CCSER1: variants seen among roughly 807,000 people sequenced by gnomAD.
The protein encoded by CCSER1 is coiled-coil serine rich protein 1.
In CCSER1, 41 loss-of-function variants were observed where a neutral mutation model predicts 82.0. That is an observed-to-expected ratio of 0.50 (90% CI 0.39 to 0.65). The LOEUF (loss-of-function observed/expected upper bound fraction) is 0.65. Among genes scored for constraint, CCSER1 ranks in the 30% least tolerant of loss-of-function variants. CCSER1 has a pLI of 0.00. For synonymous variants in CCSER1, 414 were observed against 383.9 expected (o/e 1.08, Z -0.92); for missense variants, 1,119 against 1,064.2 (o/e 1.05, Z -0.72).
chr4:90,581,916 C>T (rs556441702), intron 5 of CCSER1, among the ~76,000 whole-genome samples: 3 of 151,404 alleles, frequency 2.0e-5, no homozygotes, highest in South Asian at 2.1e-4. Flanking sequence ...GTGGTAGCAA[C>T]GTACCATGTG....
chr4:90,983,415 T>G (rs943047079), intron 9 of CCSER1, among the ~76,000 whole-genome samples: 1 of 151,706 alleles, frequency 6.6e-6, no homozygotes, highest in African/African-American at 2.4e-5. Flanking sequence ...GTAAATAATT[T>G]GGGTAGAGAA....
intron 5 of CCSER1, among the ~76,000 whole-genome samples, chr4:90,578,006 T>G (rs1331407427): frequency 1.3e-5 from 2 of 152,128 alleles, no homozygotes; most frequent in Non-Finnish European, 2.9e-5. Flanking sequence ...TGTGATACAG[T>G]AGAAACTGAA....
rs114942716 is a variant in CCSER1 at position 91,566,558 on chromosome 4, A to G, written c.2218-32014A>G. ...TGGTAGGCTGTTTATTACTGATTCA[A>G]TTTGGGAGCTTTTTATTGATCTGTT... On this transcript the variant is annotated intron_variant, in intron 10 of 10. Coordinates refer to ENST00000509176, the MANE Select transcript of CCSER1 (RefSeq NM_001145065.2). Among the ~76,000 whole-genome samples the G allele has an allele frequency of 3.8e-3, 576 of 152,064 alleles. 2 individuals are homozygous for G. Among genetic ancestry groups the G allele is most frequent in the African/African-American group, 0.013 (529 of 41,508 alleles).
intron 5 of CCSER1, among the ~76,000 whole-genome samples, chr4:90,493,658 C>G (rs1250063572): frequency 6.6e-6 from 1 of 152,070 alleles, no homozygotes; most frequent in Non-Finnish European, 1.5e-5. Flanking sequence ...TCATATCCAG[C>G]CAAACTAAGC....
chr4:90,238,397 A>G (rs1746203587), intron 1 of CCSER1, among the ~76,000 whole-genome samples: 1 of 152,206 alleles, frequency 6.6e-6, no homozygotes, highest in Non-Finnish European at 1.5e-5. Flanking sequence ...CTTGTGAGGT[A>G]TTAGAGAGCT....
chr4:91,214,764 A>T (rs1028791805), intron 10 of CCSER1, among the ~76,000 whole-genome samples: 1 of 152,170 alleles, frequency 6.6e-6, no homozygotes, highest in African/African-American at 2.4e-5. Flanking sequence ...ACTTGCTATA[A>T]CAAGGGCTTA....
At chr4:91,491,017 A>C (rs1329299549) in intron 10 of CCSER1, among the ~76,000 whole-genome samples, 1 of 147,354 alleles carries the variant, frequency 6.8e-6, no homozygotes, top group African/African-American at 2.5e-5. Flanking sequence ...ATAGTGTTAC[A>C]TCCATTATCT....
At chr4:91,578,403 T>C (rs1763557901) in intron 10 of CCSER1, among the ~76,000 whole-genome samples, 1 of 151,986 alleles carries the variant, frequency 6.6e-6, no homozygotes, top group Admixed American at 6.6e-5. Flanking sequence ...ATGTACTTAA[T>C]AAATGTATCA....
At chr4:91,308,439 G>A (rs1745226608) in intron 10 of CCSER1, among the ~76,000 whole-genome samples, 1 of 152,134 alleles carries the variant, frequency 6.6e-6, no homozygotes, top group Admixed American at 6.6e-5. Context: ...AGGTAGGAGA[G>A]ATTTACAAAC....
At chr4:91,320,363 G>A (rs1313571758) in intron 10 of CCSER1, among the ~76,000 whole-genome samples, 1 of 151,950 alleles carries the variant, frequency 6.6e-6, no homozygotes, top group Non-Finnish European at 1.5e-5. Context: ...GATAAAAGGC[G>A]ACTACTGTAT....
At chr4:90,275,639 G>T (rs1190795292) in intron 1 of CCSER1, among the ~76,000 whole-genome samples, 1 of 152,090 alleles carries the variant, frequency 6.6e-6, no homozygotes, top group African/African-American at 2.4e-5. Flanking sequence ...GCCCTGTGTG[G>T]TTGCATAGAT....
intron 6 of CCSER1, among the ~76,000 whole-genome samples, chr4:90,673,139 T>G (rs1169186928): frequency 6.6e-6 from 1 of 151,984 alleles, no homozygotes; most frequent in East Asian, 1.9e-4. Flanking sequence ...CCACAAACCT[T>G]CAATTTGTAA....
intron 9 of CCSER1, among the ~76,000 whole-genome samples, chr4:90,941,824 A>G (rs1731620072): frequency 6.6e-6 from 1 of 152,208 alleles, no homozygotes; most frequent in African/African-American, 2.4e-5. Flanking sequence ...ACAAGTCTAC[A>G]TGTCAATGAA....
intron 5 of CCSER1, among the ~76,000 whole-genome samples, chr4:90,627,293 T>C (rs1442204684): frequency 2.0e-5 from 3 of 152,226 alleles, no homozygotes; most frequent in Non-Finnish European, 4.4e-5. Flanking sequence ...TTAATTAAAA[T>C]ATATTTTCTT....
intron 1 of CCSER1, among the ~76,000 whole-genome samples, chr4:90,148,989 G>C (rs577038644): frequency 2.6e-5 from 4 of 152,122 alleles, no homozygotes; most frequent in Non-Finnish European, 4.4e-5. Flanking sequence ...AATATGAAAG[G>C]CACTTTGGCT....
At chr4:91,006,680 G>A (rs541112023) in intron 9 of CCSER1, among the ~76,000 whole-genome samples, 5 of 151,770 alleles carry the variant, frequency 3.3e-5, no homozygotes, top group South Asian at 2.1e-4. Flanking sequence ...TTTAGTAGAG[G>A]CGGGGTTTCA....
rs191040355 is a variant in CCSER1, at chr4:90,760,533, A to G, written c.2010+36542A>G. 4.7e-3 allele frequency among the ~76,000 whole-genome samples: 712 copies of G among 152,216 alleles called. 7 individuals are homozygous for G. The highest frequency in any genetic ancestry group is 0.016 in the African/African-American group (685 of 41,578). On this transcript the variant is annotated intron_variant, in intron 7 of 10. Transcript: ENST00000509176. ...TACTATTTATAATTTATTAGGACAT[A>G]GAACAATCATTTTGAATAAGCTGTT...
chr4:90,817,828 G>A (rs1002751764), intron 8 of CCSER1, among the ~76,000 whole-genome samples: 2 of 152,050 alleles, frequency 1.3e-5, no homozygotes, highest in Non-Finnish European at 2.9e-5. Flanking sequence ...TTGCATCCAC[G>A]GAAAATTTTG....
At chr4:90,386,079 T>C (rs1749992151) in intron 3 of CCSER1, among the ~76,000 whole-genome samples, 1 of 152,166 alleles carries the variant, frequency 6.6e-6, no homozygotes, top group South Asian at 2.1e-4. Context: ...ATGAACATAC[T>C]ACCCAAAGCA....
Sources: allele counts gnomAD v4.1 joint callset (sites outside exome capture counted in the v4.1 genomes callset), GRCh38; gene constraint gnomAD v4.1.1; transcripts MANE v1.5; gene names NCBI Gene and HGNC (gene_info 2026-07-23, HGNC 2026-07-21).